RAPGEF4: variants seen among roughly 807,000 people sequenced by gnomAD.
The protein encoded by RAPGEF4 is RAP guanine-nucleotide-exchange factor (GEF) 4.
A neutral mutation model predicts 147.9 loss-of-function variants in RAPGEF4; 66 were observed. That is an observed-to-expected ratio of 0.45 (90% CI 0.37 to 0.55). RAPGEF4 has a LOEUF of 0.55. Ranked by LOEUF, RAPGEF4 falls within the 20% of genes least tolerant of loss-of-function variation. RAPGEF4 has a pLI of 0.00. For missense variants in RAPGEF4, 1,071 were observed against 1,257.3 expected, an observed-to-expected ratio of 0.85 and a Z score of 2.24; for synonymous variants, 419 against 442.7, an observed-to-expected ratio of 0.95 and a Z score of 0.67.
intron 1 of RAPGEF4, among the ~76,000 whole-genome samples, chr2:172,762,629 A>C (rs375683465): frequency 6.6e-6 from 1 of 152,348 alleles, no homozygotes; most frequent in African/African-American, 2.4e-5. Flanking sequence ...AGAGGTGGCC[A>C]ACAGTGGACA....
intron 20 of RAPGEF4, 86 bp downstream of exon 20, chr2:173,017,290 T>A: frequency 6.6e-7 from 1 of 1,509,104 alleles, no homozygotes; most frequent in Non-Finnish European, 9.2e-7. Flanking sequence ...TACATAAAAG[T>A]GATTTCTTTT....
chr2:173,020,458 C>T (rs942491530), intron 22 of RAPGEF4, among the ~76,000 whole-genome samples, 160 bp from the exon 23 acceptor site: 23 of 152,146 alleles, frequency 1.5e-4, no homozygotes, highest in Admixed American at 1.4e-3. Flanking sequence ...GCATGAATGC[C>T]GTCTTTTTTA....
chr2:172,774,059 A>G (rs1574789430), intron 1 of RAPGEF4, among the ~76,000 whole-genome samples: 1 of 152,224 alleles, frequency 6.6e-6, no homozygotes. Flanking sequence ...ATCTCCAGAA[A>G]AAAGACTTAC....
At chr2:172,998,375 C>G (rs1280724522) in intron 16 of RAPGEF4, among the ~76,000 whole-genome samples, 1 of 152,064 alleles carries the variant, frequency 6.6e-6, no homozygotes, top group South Asian at 2.1e-4. Context: ...AGTTGGAAAA[C>G]GAAGGAAAGG....
chr2:172,990,910 C>G lies in RAPGEF4; in HGVS notation c.1475C>G (p.Ser492Ter). The G allele has an allele frequency of 6.2e-7, 1 of 1,613,102 alleles. No individual in the cohort carries two copies. The highest frequency in any genetic ancestry group is 2.2e-5 in the East Asian group (1 of 44,878). Reference protein sequence around the residue: ...AGNRASNQGNSQPQQKYTVMS... With the variant: ...AGNRASNQGN Reference sequence around the variant, plus strand: ...AACAGAGCTTCTAATCAAGGAAACTCACAGCCTCAGCAAAAGTATGTTTGC... The same window carrying G: ...AACAGAGCTTCTAATCAAGGAAACTGACAGCCTCAGCAAAAGTATGTTTGC... Residue 492 changes from serine (S) to a stop codon, truncating the protein, a stop_gained, in exon 15 of 31, where the codon TCA becomes TGA. Coordinates refer to ENST00000397081, the MANE Select transcript of RAPGEF4 (RefSeq NM_007023.4). LOFTEE classifies it high-confidence loss of function.
intron 22 of RAPGEF4, among the ~76,000 whole-genome samples, chr2:173,019,556 A>T (rs957591754): frequency 4.6e-5 from 7 of 152,262 alleles, no homozygotes; most frequent in African/African-American, 1.7e-4. Context: ...TTCTCCAGTC[A>T]TGATTTGACA....
At chr2:172,965,943 A>G (rs1294385802) in intron 9 of RAPGEF4, among the ~76,000 whole-genome samples, 1 of 152,210 alleles carries the variant, frequency 6.6e-6, no homozygotes, top group African/African-American at 2.4e-5. Context: ...AGTTCCAATT[A>G]TGTTTATTAG....
At chr2:172,969,838 C>A (rs1462103088) in intron 10 of RAPGEF4, among the ~76,000 whole-genome samples, 1 of 152,150 alleles carries the variant, frequency 6.6e-6, no homozygotes, top group African/African-American at 2.4e-5. Context: ...CTTGTGCTTC[C>A]TTTTATTGTC....
At chr2:173,000,947 C>T (rs1693855662) in intron 16 of RAPGEF4, among the ~76,000 whole-genome samples, 1 of 149,820 alleles carries the variant, frequency 6.7e-6, no homozygotes, top group East Asian at 1.9e-4. Context: ...CTTCGTTCTG[C>T]ATGTATGGTA....
chr2:172,950,811 T>C (rs771501960), intron 6 of RAPGEF4, among the ~76,000 whole-genome samples: 4 of 152,236 alleles, frequency 2.6e-5, no homozygotes, highest in Non-Finnish European at 5.9e-5. Flanking sequence ...TTAGATAACA[T>C]AAATGTTGTT....
chr2:172,881,316 A>G (rs1696598187), intron 4 of RAPGEF4, among the ~76,000 whole-genome samples: 1 of 152,212 alleles, frequency 6.6e-6, no homozygotes, highest in African/African-American at 2.4e-5. Flanking sequence ...TTGTGTAGAA[A>G]TAAGAGTGGC....
chr2:172,919,198 G>A (rs1465649031), intron 5 of RAPGEF4, among the ~76,000 whole-genome samples: 1 of 152,118 alleles, frequency 6.6e-6, no homozygotes, highest in Non-Finnish European at 1.5e-5. Context: ...TAGTCTCTCT[G>A]TGCCTTGGTT....
At chr2:172,911,506 T>G (rs529091498) in intron 4 of RAPGEF4, among the ~76,000 whole-genome samples, 2 of 152,280 alleles carry the variant, frequency 1.3e-5, no homozygotes, top group East Asian at 3.9e-4. Flanking sequence ...TCACCTAGTC[T>G]GGAGTACAGT....
intron 1 of RAPGEF4, among the ~76,000 whole-genome samples, chr2:172,785,360 T>C (rs768387993): frequency 3.9e-5 from 6 of 152,222 alleles, no homozygotes; most frequent in Non-Finnish European, 8.8e-5. Context: ...ACTTTACTTA[T>C]TGCTTTCTTG....
chr2:173,021,367 C>G (rs1696069580), intron 23 of RAPGEF4, among the ~76,000 whole-genome samples: 1 of 152,156 alleles, frequency 6.6e-6, no homozygotes, highest in Non-Finnish European at 1.5e-5. Flanking sequence ...GCCTAGAGGG[C>G]CAATTCAGAG....
At chr2:172,977,456 A>G (rs1273912336) in intron 10 of RAPGEF4, among the ~76,000 whole-genome samples, 1 of 151,722 alleles carries the variant, frequency 6.6e-6, no homozygotes, top group Non-Finnish European at 1.5e-5. Flanking sequence ...ATTGGGGGAG[A>G]ACCTTTGTCT....
At chr2:172,809,023 C>T (rs956030371) in intron 3 of RAPGEF4, among the ~76,000 whole-genome samples, 2 of 152,176 alleles carry the variant, frequency 1.3e-5, no homozygotes, top group Non-Finnish European at 2.9e-5. Flanking sequence ...AACACTGTGC[C>T]AAGACAGTGC....
At chr2:172,818,959 C>T (rs1688783497) in intron 4 of RAPGEF4, among the ~76,000 whole-genome samples, 1 of 152,168 alleles carries the variant, frequency 6.6e-6, no homozygotes. Context: ...ATAGGCAACA[C>T]TCAGAGTATT....
intron 4 of RAPGEF4, among the ~76,000 whole-genome samples, chr2:172,854,983 A>G (rs1693256450): frequency 6.6e-6 from 1 of 152,140 alleles, no homozygotes; most frequent in African/African-American, 2.4e-5. Flanking sequence ...CATGCTTATC[A>G]TTGACTAACT....
Sources: gnomAD v4.1 joint callset for allele counts (sites outside exome capture counted in the v4.1 genomes callset) on GRCh38, gnomAD v4.1.1 for gene constraint, MANE v1.5 for transcripts, NCBI Gene and HGNC (gene_info 2026-07-23, HGNC 2026-07-21) for gene names.